The following ATXN3 variants were observed in gnomAD, a reference collection of about 807,000 sequenced individuals.
ATXN3 encodes the protein ataxin-3.
In ATXN3, 28 loss-of-function variants were observed where a neutral mutation model predicts 58.2. The ratio of observed to expected loss-of-function variants is 0.48; its 90% CI spans 0.36 to 0.66. The LOEUF (loss-of-function observed/expected upper bound fraction) is 0.66, where lower values mean the gene tolerates loss of function less well. ATXN3 is among the 30% of genes least tolerant of loss of function. The pLI, the probability that ATXN3 is intolerant of heterozygous loss-of-function variation, is 0.00. For synonymous variants in ATXN3, 113 were observed against 138.5 expected (o/e 0.82, Z 1.29); for missense variants, 321 against 422.1 (o/e 0.76, Z 2.10).
intron 6 of ATXN3, among the ~76,000 whole-genome samples, chr14:92,085,549 T>C (rs1377491984): frequency 6.6e-6 from 1 of 152,096 alleles, no homozygotes; most frequent in Admixed American, 6.6e-5. Context: ...AGAGTGAGGG[T>C]GGGACATAAC....
upstream of ATXN3, among the ~76,000 whole-genome samples, chr14:92,051,966 G>A (rs2057450331): frequency 6.6e-6 from 1 of 151,046 alleles, no homozygotes; most frequent in African/African-American, 2.4e-5. Flanking sequence ...ACCTCATGAT[G>A]CACCCGCCTT....
chr14:92,105,885 T>C (rs1022913245), intron 1 of ATXN3, among the ~76,000 whole-genome samples: 8 of 152,072 alleles, frequency 5.3e-5, no homozygotes, highest in Admixed American at 3.3e-4. Context: ...AACCCAAACA[T>C]CCCGTAATAA....
chr14:92,051,237 T>C (rs906243819), upstream of ATXN3, among the ~76,000 whole-genome samples: 3 of 152,240 alleles, frequency 2.0e-5, no homozygotes, highest in African/African-American at 4.8e-5. Flanking sequence ...AGTCAAATGT[T>C]GTACCAAGAT....
chr14:92,073,709 C>G (rs1289759879), intron 9 of ATXN3, among the ~76,000 whole-genome samples: 1 of 151,948 alleles, frequency 6.6e-6, no homozygotes, highest in Admixed American at 6.6e-5. Context: ...TGTGTTGGCG[C>G]ACACCTGTAA....
In ATXN3 at chr14:92,060,243, T is replaced by TATATATATATATATATATATATATATAC. The variant is rs2057667280; in HGVS notation, c.*4076_*4077insGTATATATATATATATATATATATATAT. On this transcript the variant is annotated 3_prime_UTR_variant, in exon 11 of 11. Transcript: ENST00000644486. The stretch of plus-strand genomic sequence containing the variant: ...AGTCATATATATATACATATATATA[T>TATATATATATATATATATATATATATAC]ACACACATATATATATATATATATA... 1 of 129,686 alleles carries TATATATATATATATATATATATATATAC rather than the reference T, an allele frequency of 7.7e-6. No homozygotes were observed. Among genetic ancestry groups the TATATATATATATATATATATATATATAC allele is most frequent in the African/African-American group, 3.1e-5 (1 of 32,134 alleles). 8.0% of individuals were successfully genotyped at this position (129,686 alleles called of 1,614,324 possible). A position where few individuals can be genotyped will look rare whatever the true frequency, so the allele number is the denominator to read the frequency against.
chr14:92,088,645 C>T, intron 6 of ATXN3, 85 bp downstream of exon 6: 2 of 975,764 alleles, frequency 2.0e-6, no homozygotes, highest in Admixed American at 2.1e-5. Context: ...GCCAGAAAAA[C>T]AGTTTTATCA....
chr14:92,047,735 ATGT>A (rs1305784749), intron 2 of ATXN3, among the ~76,000 whole-genome samples: 2 of 152,272 alleles, frequency 1.3e-5, no homozygotes, highest in East Asian at 3.9e-4. Flanking sequence ...ACATAAAAGA[ATGT>A]TGTCCAAGTT....
At chr14:92,085,539 A>AGAGT (rs1254115869) in intron 6 of ATXN3, among the ~76,000 whole-genome samples, 1 of 152,136 alleles carries the variant, frequency 6.6e-6, no homozygotes, top group East Asian at 1.9e-4. Context: ...TGAAGGACAA[A>AGAGT]GAGTGAGGGT....
At chr14:92,053,866 G>A (rs1374133020), downstream of ATXN3, among the ~76,000 whole-genome samples, 1 of 151,962 alleles carries the variant, frequency 6.6e-6, no homozygotes, top group Non-Finnish European at 1.5e-5. Context: ...TCTATGAGCT[G>A]ACCCTAGCCA....
intron 1 of ATXN3, among the ~76,000 whole-genome samples, chr14:92,097,468 C>T (rs368415165): frequency 5.9e-5 from 9 of 151,318 alleles, no homozygotes; most frequent in Admixed American, 2.6e-4. Flanking sequence ...TCTTGTGATC[C>T]GCCTGCCTCG....
downstream of ATXN3, among the ~76,000 whole-genome samples, chr14:92,057,034 C>A (rs556270019): frequency 4.0e-4 from 61 of 152,298 alleles, no homozygotes; most frequent in Admixed American, 9.8e-4. Flanking sequence ...CCCATTGGCA[C>A]CATGACAGTT....
rs1415452123 is a variant in ATXN3, at chr14:92,062,308, A to G, written c.*2012T>C. The G allele has an allele frequency of 2.6e-5, 4 of 152,140 alleles. No individual in the cohort carries two copies. The highest frequency in any genetic ancestry group is 9.6e-5 in the African/African-American group (4 of 41,452). 9.4% of individuals were successfully genotyped at this position (152,140 alleles called of 1,614,324 possible). ...ACTCTCTAGGAACTAAAAGTCAAAC[A>G]TGCCATATTTTCTTAAGTGCTTTAA... is the stretch of plus-strand genomic sequence containing the variant. On this transcript the variant is annotated 3_prime_UTR_variant, in exon 11 of 11. Transcript: ENST00000644486.
chr14:92,045,339 A>G (rs959000049), intron 2 of ATXN3, among the ~76,000 whole-genome samples: 2 of 152,162 alleles, frequency 1.3e-5, no homozygotes, highest in African/African-American at 4.8e-5. Context: ...CCAGTCCGTT[A>G]TCGGACTGTA....
intron 5 of ATXN3, among the ~76,000 whole-genome samples, chr14:92,089,332 C>A (rs571382527): frequency 1.2e-4 from 7 of 60,760 alleles, no homozygotes; most frequent in Non-Finnish European, 1.8e-4. Context: ...GCTAAATACT[C>A]TTTTTTTTTT....
chr14:92,067,525 T>C (rs779035545), intron 10 of ATXN3, among the ~76,000 whole-genome samples: 49 of 152,268 alleles, frequency 3.2e-4, no homozygotes, highest in Admixed American at 1.3e-4. Flanking sequence ...GCCTTCCCAG[T>C]AGCTGGGATT....
At chr14:92,046,476 A>G (rs544962598) in intron 2 of ATXN3, among the ~76,000 whole-genome samples, 1 of 152,342 alleles carries the variant, frequency 6.6e-6, no homozygotes, top group Admixed American at 6.5e-5. Context: ...AGTTGTTTGG[A>G]CAGAAAGGCT....
downstream of ATXN3, among the ~76,000 whole-genome samples, chr14:92,053,891 A>G (rs1414554801): frequency 2.0e-5 from 3 of 152,056 alleles, no homozygotes; most frequent in African/African-American, 7.2e-5. Flanking sequence ...AGCCATGTAC[A>G]TAAAGCCATT....
At chr14:92,088,888 T>C (rs577976216) in intron 5 of ATXN3, 71 bp from the exon 6 acceptor site, 9 of 834,848 alleles carry the variant, frequency 1.1e-5, no homozygotes, top group African/African-American at 3.4e-5. Context: ...ATGTTAAGAA[T>C]AGATACAACC....
chr14:92,079,155 C>T (rs188165828), intron 9 of ATXN3, among the ~76,000 whole-genome samples: 11 of 132,974 alleles, frequency 8.3e-5, no homozygotes, highest in African/African-American at 3.2e-4. Flanking sequence ...CATTGCACTC[C>T]AGCCTGGGCA....
Sources: allele counts gnomAD v4.1 joint callset (sites outside exome capture counted in the v4.1 genomes callset), GRCh38; gene constraint gnomAD v4.1.1; transcripts MANE v1.5; gene names NCBI Gene and HGNC (gene_info 2026-07-23, HGNC 2026-07-21).